The following LOC128462377 variants were observed in gnomAD, a reference collection of about 807,000 sequenced individuals.
the LOC128462377 span, among the ~76,000 whole-genome samples, chr16:89,319,586 G>A: frequency 7.2e-5 from 11 of 152,206 alleles, no homozygotes; most frequent in African/African-American, 2.7e-4. Context: ...TGTTACCGAT[G>A]GCAGCGATGT....
At chr16:89,369,440 C>G in the LOC128462377 span, among the ~76,000 whole-genome samples, 1 of 152,188 alleles carries the variant, frequency 6.6e-6, no homozygotes, top group South Asian at 2.1e-4. Context: ...TGCGCCTCCA[C>G]GGCACCAAGC....
chr16:89,346,204 C>A, the LOC128462377 span, among the ~76,000 whole-genome samples: 2 of 147,300 alleles, frequency 1.4e-5, no homozygotes, highest in African/African-American at 5.1e-5. Flanking sequence ...GCCAAGATCA[C>A]GCCACGGCAC....
the LOC128462377 span, among the ~76,000 whole-genome samples, chr16:89,393,743 G>C: frequency 6.6e-6 from 1 of 152,122 alleles, no homozygotes; most frequent in Non-Finnish European, 1.5e-5. Context: ...AACTATCCCA[G>C]CTGGGCCTAT....
At chr16:89,364,918 T>C in the LOC128462377 span, among the ~76,000 whole-genome samples, 1 of 152,256 alleles carries the variant, frequency 6.6e-6, no homozygotes, top group Non-Finnish European at 1.5e-5. Flanking sequence ...GCTGAATACC[T>C]GTGAGATCAT....
chr16:89,326,853 C>A, the LOC128462377 span, among the ~76,000 whole-genome samples: 1 of 152,228 alleles, frequency 6.6e-6, no homozygotes, highest in South Asian at 2.1e-4. Flanking sequence ...ACAAAGCCTG[C>A]CCGCCAGGGG....
the LOC128462377 span, among the ~76,000 whole-genome samples, chr16:89,364,957 T>C: frequency 1.3e-5 from 2 of 152,224 alleles, no homozygotes; most frequent in Admixed American, 6.5e-5. Flanking sequence ...AACAACACTA[T>C]GTTAATTTTC....
chr16:89,335,335 G>A, the LOC128462377 span, among the ~76,000 whole-genome samples: 1 of 152,202 alleles, frequency 6.6e-6, no homozygotes, highest in Non-Finnish European at 1.5e-5. Context: ...GTTCCTTCCA[G>A]CACAGGAACA....
chr16:89,385,885 TC>T, the LOC128462377 span, among the ~76,000 whole-genome samples: 7 of 152,312 alleles, frequency 4.6e-5, no homozygotes, highest in East Asian at 1.3e-3. Context: ...GACCGTTCCC[TC>T]CGTAGGCAAC....
At chr16:89,347,688 T>C in the LOC128462377 span, among the ~76,000 whole-genome samples, 1 of 152,168 alleles carries the variant, frequency 6.6e-6, no homozygotes, top group East Asian at 1.9e-4. Flanking sequence ...TATCGGTTTT[T>C]CCTAATTTTC....
the LOC128462377 span, among the ~76,000 whole-genome samples, chr16:89,336,451 T>TA: frequency 2.6e-5 from 4 of 152,072 alleles, no homozygotes; most frequent in Admixed American, 2.6e-4. Context: ...AGGGACCAGG[T>TA]GAACACTGAA....
At chr16:89,320,771 C>A in the LOC128462377 span, among the ~76,000 whole-genome samples, 5 of 152,272 alleles carry the variant, frequency 3.3e-5, no homozygotes, top group East Asian at 9.6e-4. Flanking sequence ...TGGACAGTGT[C>A]TGCGGCCAGC....
the LOC128462377 span, among the ~76,000 whole-genome samples, chr16:89,320,684 G>A: frequency 3.1e-3 from 478 of 152,328 alleles, 3 homozygotes; most frequent in African/African-American, 0.011. Flanking sequence ...CGCCAAAGCT[G>A]TGGGCTCAGG....
chr16:89,344,522 T>C, the LOC128462377 span, among the ~76,000 whole-genome samples: 2 of 152,220 alleles, frequency 1.3e-5, no homozygotes, highest in South Asian at 4.1e-4. Context: ...TAATCCCATC[T>C]GCCAAAATGA....
At chr16:89,398,967 T>C in the LOC128462377 span, among the ~76,000 whole-genome samples, 1 of 152,062 alleles carries the variant, frequency 6.6e-6, no homozygotes, top group Non-Finnish European at 1.5e-5. Flanking sequence ...ACTCCCATCA[T>C]CCCTCTCTCC....
the LOC128462377 span, among the ~76,000 whole-genome samples, chr16:89,344,328 G>A: frequency 5.3e-5 from 8 of 152,308 alleles, no homozygotes; most frequent in South Asian, 8.3e-4. Flanking sequence ...GGCAAACAAA[G>A]AGACAGGAGC....
chr16:89,380,756 C>G, the LOC128462377 span, among the ~76,000 whole-genome samples: 1 of 152,342 alleles, frequency 6.6e-6, no homozygotes, highest in East Asian at 1.9e-4. Flanking sequence ...AGCTGGAGGC[C>G]TCGTGGGGCA....
the LOC128462377 span, among the ~76,000 whole-genome samples, chr16:89,379,574 G>A: frequency 1.3e-5 from 2 of 152,200 alleles, no homozygotes; most frequent in Non-Finnish European, 2.9e-5. Context: ...AACCTCCTGG[G>A]CTCAAGTGAC....
the LOC128462377 span, among the ~76,000 whole-genome samples, chr16:89,382,669 G>A: frequency 6.6e-6 from 1 of 150,872 alleles, no homozygotes; most frequent in Non-Finnish European, 1.5e-5. Context: ...TCCAGTAGAT[G>A]GGGTCTCACT....
chr16:89,384,474 G>A, the LOC128462377 span, among the ~76,000 whole-genome samples: 2 of 152,036 alleles, frequency 1.3e-5, no homozygotes, highest in Non-Finnish European at 2.9e-5. Flanking sequence ...GACAGGACAA[G>A]ATGGGAATGG....
Sources: gnomAD v4.1 joint callset for allele counts (sites outside exome capture counted in the v4.1 genomes callset) on GRCh38, gnomAD v4.1.1 for gene constraint, MANE v1.5 for transcripts.